Variants in PDHA1 observed in about 807,000 individuals in gnomAD.
PDHA1 encodes the protein pyruvate dehydrogenase E1 component subunit alpha, somatic form, mitochondrial.
PDHA1 carries 1 observed loss-of-function variant against 33.0 expected under a neutral mutation model. That is an observed-to-expected ratio of 0.03 (90% CI 0.01 to 0.14). The LOEUF (loss-of-function observed/expected upper bound fraction) is 0.14. Ranked by LOEUF, PDHA1 falls within the 10% of genes least tolerant of loss-of-function variation. PDHA1 has a pLI of 1.00. For synonymous variants in PDHA1, 123 were observed against 119.2 expected, an observed-to-expected ratio of 1.03 and a Z score of -0.21; for missense variants, 168 against 325.1, an observed-to-expected ratio of 0.52 and a Z score of 3.72.
In PDHA1 at chrX:19,353,004, G is replaced by A. The variant is rs1303207668; in HGVS notation, c.419-78G>A. On this transcript the variant is annotated intron_variant, in intron 4 of 10. Coordinates refer to ENST00000422285, the MANE Select transcript of PDHA1 (RefSeq NM_000284.4). ...TGTGTTCTAATGGTTGAGCCTCAGAGTACATATTTGGGGTGCGGTTTGGTT... is the reference window on the plus strand; with the variant it reads ...TGTGTTCTAATGGTTGAGCCTCAGAATACATATTTGGGGTGCGGTTTGGTT... 14 of 776,216 alleles carry A rather than the reference G, an allele frequency of 1.8e-5. 2 individuals are homozygous for A. The highest frequency in any genetic ancestry group is 1.8e-4 in the Admixed American group (8 of 45,200). The allele number at this position is 776,216 out of a possible 1,213,427, so 64.0% of individuals were successfully genotyped here. A position where few individuals can be genotyped will look rare whatever the true frequency, so the allele number is the denominator to read the frequency against.
chrX:19,349,075 C>T (rs2063150015), intron 1 of PDHA1, among the ~76,000 whole-genome samples: 1 of 111,845 alleles, frequency 8.9e-6, no homozygotes, highest in African/African-American at 3.2e-5. Context: ...TTTTTTGCCC[C>T]TCTTTGCGCT....
chrX:19,355,945 G>C (rs141926035), intron 8 of PDHA1, among the ~76,000 whole-genome samples, 188 bp downstream of exon 8: 2 of 111,975 alleles, frequency 1.8e-5, no homozygotes, highest in African/African-American at 3.3e-5. Context: ...GGAAGCCTAC[G>C]TTTCTCTCAT....
intron 8 of PDHA1, 38 bp from the exon 9 acceptor site, chrX:19,357,614 G>A (rs754744891): frequency 5.0e-5 from 57 of 1,131,528 alleles, no homozygotes; most frequent in Non-Finnish European, 6.7e-5. Flanking sequence ...TCCAGTCATC[G>A]TTCCTAACTA....
intron 1 of PDHA1, chrX:19,345,833 T>G: frequency 3.7e-6 from 1 of 270,238 alleles, no homozygotes; most frequent in African/African-American, 2.9e-5. Context: ...TCTTTCCACT[T>G]GGTGGTGTAA....
rs1332958055 is a variant in PDHA1, at chrX:19,357,450, G to T, written c.832-202G>T. ...GTTGGCAGATTGCCTTATTAAAAAT[G>T]AGAAAGATGAAATATGCAATCAATA... On this transcript the variant is annotated intron_variant, in intron 8 of 10. Transcript: ENST00000422285. 8.5e-6 allele frequency: 4 copies of T among 469,656 alleles called. No homozygotes were observed. In the East Asian group the frequency reaches 1.1e-4, roughly 13 times the overall value. 38.7% of individuals were successfully genotyped at this position (469,656 alleles called of 1,213,427 possible). A position where few individuals can be genotyped will look rare whatever the true frequency, so the allele number is the denominator to read the frequency against.
chrX:19,361,301 G>T lies in PDHA1; in HGVS notation c.*1648G>T, dbSNP rs376593530. On this transcript the variant is annotated 3_prime_UTR_variant, in exon 11 of 11. Coordinates refer to ENST00000422285, the MANE Select transcript of PDHA1 (RefSeq NM_000284.4). ...CTTGAAGCATATTCACACATAAAAA[G>T]TTGTATTCTCTTATACAAACTGTTT... 1 of 1,082,971 alleles carries T rather than the reference G, an allele frequency of 9.2e-7. No individual in the cohort carries two copies. Among genetic ancestry groups the T allele is most frequent in the Non-Finnish European group, 1.3e-6 (1 of 789,088 alleles). The allele number at this position is 1,082,971 out of a possible 1,213,427, so 89.2% of individuals were successfully genotyped here. A position where few individuals can be genotyped will look rare whatever the true frequency, so the allele number is the denominator to read the frequency against.
intron 5 of PDHA1, among the ~76,000 whole-genome samples, chrX:19,354,186 T>C (rs2063180749): frequency 8.9e-6 from 1 of 112,642 alleles, no homozygotes. Flanking sequence ...CCTCGTGATC[T>C]GCCCAAAGTG....
rs1421592481 is a variant in PDHA1, at chrX:19,359,943, C to T, written c.*290C>T. The T allele has an allele frequency of 1.2e-5, 4 of 324,560 alleles. No homozygotes were observed. Among genetic ancestry groups the T allele is most frequent in the African/African-American group, 2.9e-5 (1 of 34,113 alleles). The allele number at this position is 324,560 out of a possible 1,213,427, so 26.7% of individuals were successfully genotyped here. A position where few individuals can be genotyped will look rare whatever the true frequency, so the allele number is the denominator to read the frequency against. ...CTTGTATGCCTGTTTCCCCTGCCCC[C>T]AGCCACCTTTTTGGGAGGAGACCAT... On this transcript the variant is annotated 3_prime_UTR_variant, in exon 11 of 11. Coordinates refer to ENST00000422285, the MANE Select transcript of PDHA1 (RefSeq NM_000284.4).
rs766893716 is a variant in PDHA1, at chrX:19,361,364, C to A, written c.*1711C>A. 8.3e-7 allele frequency: 1 copy of A among 1,207,914 alleles called. No individual in the cohort carries two copies. The highest frequency in any genetic ancestry group is 3.0e-5 in the East Asian group (1 of 33,866). On this transcript the variant is annotated 3_prime_UTR_variant, in exon 11 of 11. Coordinates refer to ENST00000422285, the MANE Select transcript of PDHA1 (RefSeq NM_000284.4). ...CGTAGTCGAAGGTATCTTAGATCTT[C>A]CTTAGTGATCTCATTAAGAATATCC...
rs752082232 is a variant in PDHA1 at position 19,359,660 on chromosome X, GAGA to G, written c.*10_*12del. ...GTTTAAGTCAGTCAGTTAAGGGGAG[GAGA>G]AGGAGAGGTTATACCTTCAGGGGGC... On this transcript the variant is annotated 3_prime_UTR_variant, in exon 11 of 11. Transcript: ENST00000422285. 122 of 1,201,078 alleles carry G rather than the reference GAGA, an allele frequency of 1.0e-4. No homozygotes were observed. The African/African-American group carries it at 1.7e-3, about 16-fold the overall frequency.
chrX:19,356,890 C>T (rs2063204216), intron 8 of PDHA1, among the ~76,000 whole-genome samples: 1 of 112,136 alleles, frequency 8.9e-6, no homozygotes, highest in Admixed American at 9.5e-5. Context: ...GTTTCTCCAC[C>T]CCAGTGTTCA....
rs1229033836 is a variant in PDHA1 at position 19,359,659 on chromosome X, G to A, written c.*6G>A. ...AGTTTAAGTCAGTCAGTTAAGGGGA[G>A]GAGAAGGAGAGGTTATACCTTCAGG... On this transcript the variant is annotated 3_prime_UTR_variant, in exon 11 of 11. Coordinates refer to ENST00000422285, the MANE Select transcript of PDHA1 (RefSeq NM_000284.4). 2 of 1,203,591 alleles carry A rather than the reference G, an allele frequency of 1.7e-6. No homozygotes were observed. The highest frequency in any genetic ancestry group is 4.4e-5 in the Admixed American group (2 of 45,889).
At chrX:19,353,290 G>A in intron 5 of PDHA1, 117 bp downstream of exon 5, 1 of 589,543 alleles carries the variant, frequency 1.7e-6, no homozygotes, top group Non-Finnish European at 3.0e-6. Context: ...GCTGCACAGT[G>A]ACGCTTTGGT....
At position 19,361,253 on chromosome X, in the gene PDHA1, G is replaced by A; in HGVS notation, c.*1600G>A. 1 of 791,139 alleles carries A rather than the reference G, an allele frequency of 1.3e-6. No homozygotes were observed. Among genetic ancestry groups the A allele is most frequent in the Non-Finnish European group, 1.8e-6 (1 of 551,744 alleles). 65.2% of individuals were successfully genotyped at this position (791,139 alleles called of 1,213,427 possible). ...AATAGAACTCCAGAGTTTGGGGGGA[G>A]GCCCAGCCCTTTGTTTTCTGCTCTT... On this transcript the variant is annotated 3_prime_UTR_variant, in exon 11 of 11. Coordinates refer to ENST00000422285, the MANE Select transcript of PDHA1 (RefSeq NM_000284.4).
chrX:19,347,449 C>CT (rs2063141574), intron 1 of PDHA1, among the ~76,000 whole-genome samples: 1 of 112,814 alleles, frequency 8.9e-6, no homozygotes, highest in Non-Finnish European at 1.9e-5. Context: ...GAGAAAGTAT[C>CT]TAAGTAGCTT....
intron 1 of PDHA1, among the ~76,000 whole-genome samples, chrX:19,348,498 A>T (rs953568382): frequency 1.8e-5 from 2 of 113,057 alleles, no homozygotes; most frequent in Non-Finnish European, 3.7e-5. Flanking sequence ...TAAAGTATTT[A>T]TCTCATACTT....
At position 19,358,988 on chromosome X, in the gene PDHA1, G is replaced by A. The variant is rs755945768; in HGVS notation, c.972G>A (p.Met324Ile). ...SDPIMLLKDR[M>I]VNSNLASVEE... is the part of the protein sequence containing the mutation. Reference sequence around the variant, plus strand: ...CTATTATGCTTCTCAAGGACAGGATGGTGAACAGCAATCTTGCCAGTGTGG... The same window carrying A: ...CTATTATGCTTCTCAAGGACAGGATAGTGAACAGCAATCTTGCCAGTGTGG... Residue 324 changes from methionine to isoleucine, a missense_variant, in exon 10 of 11, where the codon ATG becomes ATA. By Grantham distance (10) the Met-to-Ile change is conservative. Around this residue, in one of 5 missense-constraint regions of PDHA1, gnomAD observed 58 missense variants for 63.4 expected, o/e 0.92. Transcript: ENST00000422285. 2.5e-6 allele frequency: 3 copies of A among 1,184,004 alleles called. No individual in the cohort carries two copies. The highest frequency in any genetic ancestry group is 1.7e-5 in the African/African-American group (1 of 57,212).
Position 19,344,071 on chromosome X carries a change from C to G in PDHA1, c.34C>G (p.Leu12Val). The change falls in exon 1 of 11, where the codon CTG (leucine) becomes GTG (valine). Residue 12 changes from leucine (L) to valine (V), a missense_variant. Leu to Val is a conservative substitution (Grantham distance 32). Coordinates refer to ENST00000422285, the MANE Select transcript of PDHA1 (RefSeq NM_000284.4). ...RKMLAAVSRV[L>V]SGASQKPASR... ...GATGCTCGCCGCCGTCTCCCGCGTG[C>G]TGTCTGGCGCTTCTCAGAAGCCGGT... 2 of 1,207,544 alleles carry G rather than the reference C, an allele frequency of 1.7e-6. No homozygotes were observed. The highest frequency in any genetic ancestry group is 2.2e-6 in the Non-Finnish European group (2 of 894,068).
chrX:19,345,617 G>C (rs1430689929), intron 1 of PDHA1: 1 of 120,821 alleles, frequency 8.3e-6, no homozygotes, highest in East Asian at 3.0e-4. Context: ...TCCCTTTAGG[G>C]ATATCTGTGG....
Sources: gnomAD v4.1 joint callset for allele counts (sites outside exome capture counted in the v4.1 genomes callset) on GRCh38, gnomAD v4.1.1 for gene constraint, gnomAD v4.1.1 regional missense constraint, MANE v1.5 for transcripts, NCBI Gene and HGNC (gene_info 2026-07-23, HGNC 2026-07-21) for gene names.